Variants in BRINP3 observed in about 807,000 individuals in gnomAD.
The protein encoded by BRINP3 is BMP/retinoic acid inducible neural specific 3.
Under a neutral mutation model 71.0 loss-of-function variants are expected in BRINP3, and 19 were observed. The observed-to-expected ratio is 0.27, with a 90% CI of 0.19 to 0.39. BRINP3 has a LOEUF of 0.39. Ranked by LOEUF, BRINP3 falls within the 10% of genes least tolerant of loss-of-function variation. The pLI, the probability that BRINP3 is intolerant of heterozygous loss-of-function variation, is 1.00. For missense variants in BRINP3, 959 were observed against 940.8 expected (o/e 1.02, Z -0.25); for synonymous variants, 380 against 337.7 (o/e 1.13, Z -1.37).
chr1:190,154,433 T>C (rs942489576), intron 7 of BRINP3, among the ~76,000 whole-genome samples: 8 of 152,152 alleles, frequency 5.3e-5, no homozygotes, highest in African/African-American at 1.9e-4. Context: ...TATCAGAAGA[T>C]GCACAAAGTC....
At chr1:190,194,501 T>C (rs1400445860) in intron 6 of BRINP3, among the ~76,000 whole-genome samples, 2 of 152,120 alleles carry the variant, frequency 1.3e-5, no homozygotes, top group Non-Finnish European at 2.9e-5. Flanking sequence ...TGAAACTTTC[T>C]ATATTGAGAT....
At chr1:190,313,379 A>T (rs1347766639) in intron 2 of BRINP3, among the ~76,000 whole-genome samples, 1 of 152,024 alleles carries the variant, frequency 6.6e-6, no homozygotes, top group Non-Finnish European at 1.5e-5. Flanking sequence ...GGAAAGCAGA[A>T]GTCAGCGTGA....
intron 7 of BRINP3, among the ~76,000 whole-genome samples, chr1:190,157,320 T>C (rs142841828): frequency 1.4e-3 from 213 of 152,108 alleles, no homozygotes; most frequent in African/African-American, 4.9e-3. Flanking sequence ...GGGAGAAATC[T>C]GCATATAACT....
chr1:190,385,995 A>C (rs1558239689), intron 2 of BRINP3, among the ~76,000 whole-genome samples: 2 of 145,822 alleles, frequency 1.4e-5, no homozygotes, highest in Non-Finnish European at 3.0e-5. Flanking sequence ...AAAACCAAAC[A>C]CCGCATATTC....
intron 2 of BRINP3, among the ~76,000 whole-genome samples, chr1:190,409,277 T>A (rs550227251): frequency 1.3e-5 from 2 of 152,098 alleles, no homozygotes; most frequent in East Asian, 3.9e-4. Context: ...CAAAAAACTA[T>A]CTAATAGAAG....
chr1:190,248,576 C>G (rs1477007197), intron 4 of BRINP3, among the ~76,000 whole-genome samples: 2 of 151,570 alleles, frequency 1.3e-5, no homozygotes, highest in Non-Finnish European at 3.0e-5. Flanking sequence ...AAAAATGTTT[C>G]AGGAAAAGAC....
chr1:190,249,024 G>T (rs1426300842), intron 4 of BRINP3, among the ~76,000 whole-genome samples: 2 of 151,658 alleles, frequency 1.3e-5, no homozygotes, highest in Non-Finnish European at 2.9e-5. Flanking sequence ...CTTTTTGTGG[G>T]ATGCCTCAGA....
chr1:190,412,418 CT>C (rs71561664), intron 2 of BRINP3, among the ~76,000 whole-genome samples: 1 of 141,124 alleles, frequency 7.1e-6, no homozygotes, highest in Admixed American at 7.1e-5. Context: ...TATATATACA[CT>C]TTTTTTTACT....
At chr1:190,381,817 CA>C (rs1670568153) in intron 2 of BRINP3, among the ~76,000 whole-genome samples, 1 of 152,038 alleles carries the variant, frequency 6.6e-6, no homozygotes, top group Non-Finnish European at 1.5e-5. Context: ...TACTTATTTC[CA>C]AGACTATTTT....
chr1:190,176,361 T>G (rs1261229786), intron 6 of BRINP3, among the ~76,000 whole-genome samples: 4 of 152,120 alleles, frequency 2.6e-5, no homozygotes. Context: ...GTTTAAAAGA[T>G]GAGTTATTTG....
intron 2 of BRINP3, among the ~76,000 whole-genome samples, chr1:190,408,627 G>C (rs1171149): frequency 0.36 from 54,876 of 151,892 alleles, 10,946 homozygotes; most frequent in Admixed American, 0.48. Flanking sequence ...AGGATGGTTT[G>C]TATACTTTTT....
At chr1:190,350,858 C>T (rs1045437737) in intron 2 of BRINP3, among the ~76,000 whole-genome samples, 4 of 146,736 alleles carry the variant, frequency 2.7e-5, no homozygotes, top group South Asian at 2.1e-4. Context: ...GTTTTGCTCT[C>T]GTTGCCTAGG....
chr1:190,216,493 G>A (rs993137612), intron 6 of BRINP3, among the ~76,000 whole-genome samples: 2 of 151,786 alleles, frequency 1.3e-5, no homozygotes, highest in African/African-American at 4.8e-5. Flanking sequence ...TTATTAGAGT[G>A]AGAAATTTTC....
At chr1:190,466,616 G>A (rs1280684372) in intron 1 of BRINP3, among the ~76,000 whole-genome samples, 1 of 151,546 alleles carries the variant, frequency 6.6e-6, no homozygotes, top group African/African-American at 2.4e-5. Context: ...TTTTAACCGA[G>A]GAATGTGTGT....
intron 4 of BRINP3, among the ~76,000 whole-genome samples, chr1:190,256,995 G>A (rs1414821902): frequency 1.3e-5 from 2 of 152,088 alleles, no homozygotes; most frequent in African/African-American, 4.8e-5. Context: ...GAGTATCTTT[G>A]TGGTGTTCTC....
chr1:190,280,626 C>T (rs1396287483), intron 3 of BRINP3, among the ~76,000 whole-genome samples: 1 of 151,848 alleles, frequency 6.6e-6, no homozygotes, highest in Non-Finnish European at 1.5e-5. Context: ...AGAAAATGAA[C>T]AAGCTGCCTT....
chr1:190,347,329 A>C (rs1306952520), intron 2 of BRINP3, among the ~76,000 whole-genome samples: 1 of 151,956 alleles, frequency 6.6e-6, no homozygotes, highest in Non-Finnish European at 1.5e-5. Flanking sequence ...TTTAGTAGAG[A>C]CGGAGTTTCA....
chr1:190,303,477 C>G (rs1293644433), intron 2 of BRINP3, among the ~76,000 whole-genome samples: 1 of 151,582 alleles, frequency 6.6e-6, no homozygotes, highest in African/African-American at 2.4e-5. Context: ...ATTGAGAAAT[C>G]AGGCTGCTAT....
Position 190,261,940 on chromosome 1 carries a change from A to C in BRINP3, c.618+2925T>G, listed in dbSNP as rs534233370. Among the ~76,000 whole-genome samples the C allele has an allele frequency of 1.3e-4, 20 of 152,306 alleles. No homozygotes were observed. In the East Asian group the frequency reaches 3.5e-3, roughly 26 times the overall value. On this transcript the variant is annotated intron_variant, in intron 4 of 7. Coordinates refer to ENST00000367462, the MANE Select transcript of BRINP3 (RefSeq NM_199051.3). Reference sequence around the variant, plus strand: ...TCAGTAGTTGAATACCCTTGGATCCAGCCTACTGAAGTCCCCTCACACATC... The same window carrying C: ...TCAGTAGTTGAATACCCTTGGATCCCGCCTACTGAAGTCCCCTCACACATC...
Sources: allele counts gnomAD v4.1 joint callset (sites outside exome capture counted in the v4.1 genomes callset), GRCh38; gene constraint gnomAD v4.1.1; transcripts MANE v1.5; gene names NCBI Gene and HGNC (gene_info 2026-07-23, HGNC 2026-07-21).